NKAIN3: variants seen among roughly 807,000 people sequenced by gnomAD.
NKAIN3 encodes sodium/potassium transporting ATPase interacting 3, also known as sodium/potassium-transporting ATPase subunit beta-1-interacting protein 3.
In NKAIN3, 25 loss-of-function variants were observed where a neutral mutation model predicts 30.2. The ratio of observed to expected loss-of-function variants is 0.83; its 90% CI spans 0.60 to 1.16. NKAIN3 has a LOEUF of 1.16. NKAIN3 is among the 50% of genes most tolerant of loss of function. The pLI, the probability that NKAIN3 is intolerant of heterozygous loss-of-function variation, is 0.00. For missense variants in NKAIN3, 225 were observed against 254.1 expected, an observed-to-expected ratio of 0.89 and a Z score of 0.78; for synonymous variants, 91 against 89.6, an observed-to-expected ratio of 1.02 and a Z score of -0.09.
At chr8:62,719,760 T>C (rs1053992678) in intron 3 of NKAIN3, among the ~76,000 whole-genome samples, 2 of 144,144 alleles carry the variant, frequency 1.4e-5, no homozygotes, top group African/African-American at 5.2e-5. Context: ...TTTCTTTTTT[T>C]TTTTTTTTTT....
At chr8:62,618,761 C>T (rs772330113) in intron 3 of NKAIN3, among the ~76,000 whole-genome samples, 132 of 152,092 alleles carry the variant, frequency 8.7e-4, no homozygotes, top group Non-Finnish European at 1.7e-3. Context: ...CAAAAATTAG[C>T]CGGGCATGGT....
intron 1 of NKAIN3, among the ~76,000 whole-genome samples, chr8:62,265,265 T>C (rs944665925): frequency 2.6e-5 from 4 of 152,228 alleles, no homozygotes; most frequent in Non-Finnish European, 5.9e-5. Flanking sequence ...TGAAAGTGAC[T>C]ATTCTATAAT....
At chr8:62,898,514 C>T (rs1821507097) in intron 4 of NKAIN3, among the ~76,000 whole-genome samples, 1 of 151,998 alleles carries the variant, frequency 6.6e-6, no homozygotes, top group Admixed American at 6.6e-5. Context: ...GCTATGGGTA[C>T]ACGAAGGGAT....
At chr8:62,769,202 T>A (rs1009059670) in intron 4 of NKAIN3, among the ~76,000 whole-genome samples, 5 of 152,218 alleles carry the variant, frequency 3.3e-5, no homozygotes, top group Admixed American at 2.0e-4. Context: ...CAAAGAAAGT[T>A]CTTAATGAAA....
chr8:62,593,480 A>G lies in NKAIN3; in HGVS notation c.273+3686A>G, dbSNP rs1810721021. 2.0e-5 allele frequency among the ~76,000 whole-genome samples: 3 copies of G among 152,000 alleles called. No homozygotes were observed. In the South Asian group the frequency reaches 6.2e-4, roughly 31 times the overall value. On this transcript the variant is annotated intron_variant, in intron 3 of 6. Transcript: ENST00000623646. The stretch of plus-strand genomic sequence containing the variant: ...CTTCCATCTTAAGAAGAGCAATTTG[A>G]CTAATATCTCATAGTTGGTTCTTTG...
At chr8:62,399,037 G>C (rs1248737420) in intron 1 of NKAIN3, among the ~76,000 whole-genome samples, 2 of 152,124 alleles carry the variant, frequency 1.3e-5, no homozygotes, top group Non-Finnish European at 2.9e-5. Context: ...GTTGCAGTGA[G>C]CCAAGATCAT....
intron 1 of NKAIN3, among the ~76,000 whole-genome samples, chr8:62,422,553 G>C (rs763743121): frequency 2.0e-5 from 3 of 152,046 alleles, no homozygotes; most frequent in Non-Finnish European, 4.4e-5. Flanking sequence ...ATCGCAAATG[G>C]CAGATAAATA....
At chr8:62,995,791 C>T (rs979557705) in intron 5 of NKAIN3, among the ~76,000 whole-genome samples, 2 of 152,188 alleles carry the variant, frequency 1.3e-5, no homozygotes, top group Non-Finnish European at 2.9e-5. Context: ...AACTATACTT[C>T]CATAAAGCCA....
chr8:62,334,275 A>C (rs533385141), intron 1 of NKAIN3, among the ~76,000 whole-genome samples: 4 of 152,232 alleles, frequency 2.6e-5, no homozygotes, highest in African/African-American at 9.6e-5. Context: ...GTCCAGAATC[A>C]AGATGTCGGC....
chr8:62,950,926 T>A (rs540553037), intron 5 of NKAIN3, among the ~76,000 whole-genome samples: 1 of 149,952 alleles, frequency 6.7e-6, no homozygotes, highest in Non-Finnish European at 1.5e-5. Context: ...GCGAGATGCA[T>A]GAGCAATAAA....
chr8:62,960,641 A>T (rs1415128885), intron 6 of NKAIN3, among the ~76,000 whole-genome samples: 1 of 152,002 alleles, frequency 6.6e-6, no homozygotes, highest in East Asian at 1.9e-4. Flanking sequence ...TTTGCACTTA[A>T]TATTGACATC....
chr8:62,616,150 T>C (rs376124733), intron 3 of NKAIN3, among the ~76,000 whole-genome samples: 2 of 152,140 alleles, frequency 1.3e-5, no homozygotes, highest in East Asian at 1.9e-4. Flanking sequence ...TTTTTGCTTT[T>C]TTTTCTGACT....
intron 4 of NKAIN3, among the ~76,000 whole-genome samples, chr8:62,872,673 T>G (rs911784789): frequency 3.3e-5 from 5 of 152,228 alleles, no homozygotes; most frequent in African/African-American, 1.2e-4. Flanking sequence ...GGGTTATTTC[T>G]CAGAGGGTAA....
chr8:62,736,635 G>T (rs1253597861), intron 3 of NKAIN3, among the ~76,000 whole-genome samples: 1 of 152,122 alleles, frequency 6.6e-6, no homozygotes, highest in Non-Finnish European at 1.5e-5. Flanking sequence ...AGCAAGCAGG[G>T]CTCTCAAGTT....
chr8:62,352,644 G>A (rs190644808), intron 1 of NKAIN3, among the ~76,000 whole-genome samples: 41 of 152,268 alleles, frequency 2.7e-4, no homozygotes, highest in Middle Eastern at 3.4e-3. Flanking sequence ...ATCTTGGAGA[G>A]TCAGATAGAA....
intron 1 of NKAIN3, among the ~76,000 whole-genome samples, chr8:62,291,061 A>G (rs189836186): frequency 3.3e-5 from 5 of 152,034 alleles, no homozygotes; most frequent in African/African-American, 1.2e-4. Context: ...GGTAGTTTGT[A>G]TTTCTGTGGG....
chr8:62,763,209 G>A (rs575745458), intron 4 of NKAIN3, among the ~76,000 whole-genome samples: 174 of 100,674 alleles, frequency 1.7e-3, no homozygotes, highest in African/African-American at 6.2e-3. Context: ...CAACAAGTGC[G>A]AGACTCCGTC....
In NKAIN3 at chr8:62,439,313, A is replaced by T. The variant is rs370203881; in HGVS notation, c.55-140226A>T. Among the ~76,000 whole-genome samples the T allele has an allele frequency of 1.3e-4, 20 of 152,256 alleles. No individual in the cohort carries two copies. In the East Asian group the frequency reaches 1.7e-3, roughly 13 times the overall value. On this transcript the variant is annotated intron_variant, in intron 1 of 6. Transcript: ENST00000623646. ...GTGCAACTTACAGTTTACAAATTTT[A>T]AGAGAGGTGCCACATTTGAAGAGAC...
At chr8:62,635,870 T>C (rs1812111180) in intron 3 of NKAIN3, among the ~76,000 whole-genome samples, 1 of 152,296 alleles carries the variant, frequency 6.6e-6, no homozygotes, top group African/African-American at 2.4e-5. Context: ...CATATTGTTG[T>C]CTCTTAATGA....
Sources: gnomAD v4.1 joint callset for allele counts (sites outside exome capture counted in the v4.1 genomes callset) on GRCh38, gnomAD v4.1.1 for gene constraint, MANE v1.5 for transcripts, NCBI Gene and HGNC (gene_info 2026-07-23, HGNC 2026-07-21) for gene names.